MED15: variants seen among roughly 807,000 people sequenced by gnomAD.
MED15 encodes mediator of RNA polymerase II transcription subunit 15.
A neutral mutation model predicts 118.7 loss-of-function variants in MED15; 41 were observed. The observed-to-expected ratio is 0.35, with a 90% CI of 0.27 to 0.45. The LOEUF (loss-of-function observed/expected upper bound fraction) is 0.45, where lower values mean the gene tolerates loss of function less well. MED15 is among the 20% of genes least tolerant of loss of function. MED15 has a pLI of 1.00. For synonymous variants in MED15, 436 were observed against 413.9 expected (o/e 1.05, Z -0.65); for missense variants, 740 against 1,025.5 (o/e 0.72, Z 3.80).
intron 6 of MED15, among the ~76,000 whole-genome samples, chr22:20,564,899 G>A (rs2056380148): frequency 1.3e-5 from 2 of 152,232 alleles, no homozygotes; most frequent in Admixed American, 1.3e-4. Flanking sequence ...GGGAGGCCAA[G>A]GCAGGCGGAT....
chr22:20,516,267 C>T (rs1409847474), intron 1 of MED15, among the ~76,000 whole-genome samples: 1 of 151,892 alleles, frequency 6.6e-6, no homozygotes, highest in Non-Finnish European at 1.5e-5. Flanking sequence ...GAGCCGAGAT[C>T]ACGCCATTGC....
chr22:20,549,592 C>G (rs2055691048), intron 2 of MED15, among the ~76,000 whole-genome samples: 2 of 152,066 alleles, frequency 1.3e-5, no homozygotes, highest in Admixed American at 1.3e-4. Context: ...GCGTTCAGCC[C>G]CTAGATGTTC....
chr22:20,526,078 A>G (rs2146393222), intron 1 of MED15, among the ~76,000 whole-genome samples: 1 of 151,788 alleles, frequency 6.6e-6, no homozygotes, highest in East Asian at 1.9e-4. Flanking sequence ...CACCACTATG[A>G]CTGGCTAAGT....
chr22:20,508,035 C>T (rs746359148), intron 1 of MED15: 127 of 1,390,228 alleles, frequency 9.1e-5, no homozygotes, highest in Non-Finnish European at 1.1e-4. Context: ...TGCAGACTTT[C>T]CCCCGCTTTT....
At chr22:20,568,854 C>T (rs1246469796) in intron 8 of MED15, among the ~76,000 whole-genome samples, 1 of 152,194 alleles carries the variant, frequency 6.6e-6, no homozygotes, top group Non-Finnish European at 1.5e-5. Context: ...TAGTGCGTGT[C>T]GTTTCCAGCT....
chr22:20,527,344 CCTT>C (rs1254825937), intron 1 of MED15, among the ~76,000 whole-genome samples: 1 of 151,684 alleles, frequency 6.6e-6, no homozygotes, highest in African/African-American at 2.4e-5. Flanking sequence ...TCCAAGAACT[CCTT>C]CTTTTTCCTT....
chr22:20,584,764 CTG>C lies in MED15; in HGVS notation c.1804-88_1804-87del. 2.7e-6 allele frequency: 4 copies of C among 1,491,736 alleles called. No individual in the cohort carries two copies. The Admixed American group carries it at 5.5e-5, about 21-fold the overall frequency. 92.4% of individuals were successfully genotyped at this position (1,491,736 alleles called of 1,614,324 possible). On this transcript the variant is annotated intron_variant, in intron 14 of 17. Transcript: ENST00000263205. ...TGTGAGAGAGGCCTCGGGAATCTGA[CTG>C]TGAGTGACCATGGGCCTGGGGTGTG...
intron 9 of MED15, chr22:20,582,383 CA>C: frequency 1.6e-6 from 1 of 642,972 alleles, no homozygotes; most frequent in Non-Finnish European, 2.6e-6. Flanking sequence ...GGCCAAGGAG[CA>C]AGGGCTGCCC....
At chr22:20,564,827 C>T in intron 6 of MED15, 139 bp downstream of exon 6, 2 of 1,424,874 alleles carry the variant, frequency 1.4e-6, no homozygotes, top group Non-Finnish European at 9.5e-7. Flanking sequence ...TTTCCATGGG[C>T]TTCTCAAAAA....
chr22:20,577,818 G>A lies in MED15; in HGVS notation c.1272+2586G>A, dbSNP rs115574617. On this transcript the variant is annotated intron_variant, in intron 9 of 17. Coordinates refer to ENST00000263205, the MANE Select transcript of MED15 (RefSeq NM_001003891.3). Reference sequence around the variant, plus strand: ...CGGCAGCATTTAGAAAGTATTCCTCGTCCCGGCAGTAGACAAAAGCCACAG... The same window carrying A: ...CGGCAGCATTTAGAAAGTATTCCTCATCCCGGCAGTAGACAAAAGCCACAG... 4.5e-3 allele frequency among the ~76,000 whole-genome samples: 689 copies of A among 152,104 alleles called. 9 individuals carry two copies. Among genetic ancestry groups the A allele is most frequent in the African/African-American group, 0.016 (661 of 41,472 alleles).
At chr22:20,532,141 C>T (rs935517242) in intron 1 of MED15, among the ~76,000 whole-genome samples, 9 of 151,972 alleles carry the variant, frequency 5.9e-5, no homozygotes, top group African/African-American at 1.9e-4. Flanking sequence ...CTGGCGAGGG[C>T]GTGGGGGTAG....
chr22:20,562,682 G>A (rs529614649), intron 5 of MED15, among the ~76,000 whole-genome samples: 49 of 152,080 alleles, frequency 3.2e-4, no homozygotes, highest in Admixed American at 2.0e-3. Context: ...GCGACCCGCC[G>A]GTCATACATG....
intron 8 of MED15, among the ~76,000 whole-genome samples, chr22:20,572,348 G>A (rs1478929976): frequency 6.6e-6 from 1 of 152,230 alleles, no homozygotes; most frequent in Non-Finnish European, 1.5e-5. Flanking sequence ...GTTCATGAAT[G>A]AAATTCTGGG....
chr22:20,566,927 C>T, intron 7 of MED15, 110 bp downstream of exon 7: 2 of 1,530,432 alleles, frequency 1.3e-6, no homozygotes, highest in Non-Finnish European at 1.8e-6. Context: ...AGTGCTGAGA[C>T]TTCAGGCAGC....
At chr22:20,579,534 G>A (rs946124509) in intron 9 of MED15, among the ~76,000 whole-genome samples, 1 of 152,074 alleles carries the variant, frequency 6.6e-6, no homozygotes, top group Non-Finnish European at 1.5e-5. Context: ...AGTATGTGGG[G>A]GCGGGGGTGG....
chr22:20,536,791 C>T (rs1159733882), intron 1 of MED15, among the ~76,000 whole-genome samples: 3 of 152,208 alleles, frequency 2.0e-5, no homozygotes, highest in East Asian at 1.9e-4. Context: ...TAGTCTAATG[C>T]GTACTTCCTT....
intron 8 of MED15, among the ~76,000 whole-genome samples, chr22:20,570,326 A>G (rs1225678919): frequency 6.6e-6 from 1 of 151,876 alleles, no homozygotes; most frequent in Admixed American, 6.6e-5. Flanking sequence ...CCCGGCTGGA[A>G]ACTTCTGTAC....
chr22:20,553,075 C>A, intron 3 of MED15, 70 bp from the exon 4 acceptor site: 1 of 1,453,842 alleles, frequency 6.9e-7, no homozygotes, highest in Non-Finnish European at 9.6e-7. Flanking sequence ...CAGAACTGAC[C>A]TACCCATGGA....
chr22:20,575,369 T>A, intron 9 of MED15, 137 bp downstream of exon 9: 1 of 134,764 alleles, frequency 7.4e-6, no homozygotes, highest in Non-Finnish European at 1.5e-5. Context: ...CCACAGTCCC[T>A]TTTTTTTTTT....
Sources: gnomAD v4.1 joint callset for allele counts (sites outside exome capture counted in the v4.1 genomes callset) on GRCh38, gnomAD v4.1.1 for gene constraint, MANE v1.5 for transcripts, NCBI Gene and HGNC (gene_info 2026-07-23, HGNC 2026-07-21) for gene names.